ABTB3: variants seen among roughly 807,000 people sequenced by gnomAD.
The protein encoded by ABTB3 is ankyrin repeat- and BTB/POZ domain-containing protein 3.
chr12:107,507,440 C>T, the ABTB3 span, among the ~76,000 whole-genome samples: 169 of 152,234 alleles, frequency 1.1e-3, 1 homozygote, highest in African/African-American at 3.9e-3. Context: ...CCGTTCTCTG[C>T]CTCTGTCATC....
the ABTB3 span, among the ~76,000 whole-genome samples, chr12:107,641,933 A>C: frequency 2.6e-5 from 4 of 152,306 alleles, no homozygotes; most frequent in South Asian, 8.3e-4. Context: ...GTATAATAGG[A>C]GGGTTTAAAT....
chr12:107,412,645 C>A, the ABTB3 span, among the ~76,000 whole-genome samples: 1 of 152,114 alleles, frequency 6.6e-6, no homozygotes, highest in Non-Finnish European at 1.5e-5. Flanking sequence ...CCAGTCAACT[C>A]GAAGCCTAGT....
the ABTB3 span, among the ~76,000 whole-genome samples, chr12:107,352,569 C>G: frequency 6.6e-6 from 1 of 152,100 alleles, no homozygotes; most frequent in Non-Finnish European, 1.5e-5. Context: ...TAAGGGGGCC[C>G]TTCCACATAC....
the ABTB3 span, among the ~76,000 whole-genome samples, chr12:107,369,706 GGTT>G: frequency 1.7e-4 from 13 of 74,764 alleles, no homozygotes; most frequent in African/African-American, 5.1e-4. Flanking sequence ...GCCCAAACAT[GGTT>G]TTTTTTTTTT....
At chr12:107,619,902 C>T in the ABTB3 span, 21 of 1,311,386 alleles carry the variant, frequency 1.6e-5, no homozygotes, top group South Asian at 2.3e-4. Context: ...GATAAAAACT[C>T]GCCTGCTCCT....
chr12:107,364,442 C>T, the ABTB3 span, among the ~76,000 whole-genome samples: 21 of 151,922 alleles, frequency 1.4e-4, no homozygotes, highest in Admixed American at 1.0e-3. Context: ...GGGCACACAC[C>T]ACCACACCCG....
chr12:107,338,594 A>G, the ABTB3 span, among the ~76,000 whole-genome samples: 1 of 152,206 alleles, frequency 6.6e-6, no homozygotes, highest in Non-Finnish European at 1.5e-5. Context: ...TAATGAGGAC[A>G]TGGAGGTTGA....
chr12:107,431,769 T>A, the ABTB3 span, among the ~76,000 whole-genome samples: 1 of 152,252 alleles, frequency 6.6e-6, no homozygotes, highest in African/African-American at 2.4e-5. Flanking sequence ...AACTTTAGCA[T>A]ACCCTGAGGA....
At chr12:107,589,232 G>T in the ABTB3 span, among the ~76,000 whole-genome samples, 1 of 152,172 alleles carries the variant, frequency 6.6e-6, no homozygotes. Context: ...GTTCTTTCTG[G>T]TTGCCAAAAA....
chr12:107,355,018 T>C, the ABTB3 span, among the ~76,000 whole-genome samples: 5 of 152,230 alleles, frequency 3.3e-5, no homozygotes, highest in South Asian at 1.0e-3. Context: ...TAGCATTCCA[T>C]TGCATGCATG....
At chr12:107,358,150 G>A in the ABTB3 span, among the ~76,000 whole-genome samples, 25 of 152,308 alleles carry the variant, frequency 1.6e-4, no homozygotes, top group African/African-American at 5.5e-4. Flanking sequence ...GGTGGAGGGG[G>A]AAAGACACAA....
the ABTB3 span, among the ~76,000 whole-genome samples, chr12:107,388,338 C>T: frequency 6.9e-3 from 1,046 of 151,604 alleles, 14 homozygotes; most frequent in African/African-American, 0.021. Flanking sequence ...CTTCTCCTCC[C>T]TTTCTTTTTC....
the ABTB3 span, chr12:107,318,912 A>T: frequency 1.2e-5 from 18 of 1,555,402 alleles, no homozygotes; most frequent in Non-Finnish European, 1.6e-5. Flanking sequence ...TTTGGCTCCC[A>T]GGCGGCTGCA....
chr12:107,598,973 C>T, the ABTB3 span, among the ~76,000 whole-genome samples: 1 of 152,172 alleles, frequency 6.6e-6, no homozygotes, highest in Non-Finnish European at 1.5e-5. Context: ...CTGGACATGG[C>T]CTCAGAATCC....
the ABTB3 span, chr12:107,659,440 C>A: frequency 1.3e-5 from 2 of 152,228 alleles, no homozygotes; most frequent in Non-Finnish European, 2.9e-5. Context: ...GTGTGCATTG[C>A]GGCTGTCACC....
At chr12:107,617,189 G>C in the ABTB3 span, 1 of 1,614,132 alleles carries the variant, frequency 6.2e-7, no homozygotes, top group Non-Finnish European at 8.5e-7. Context: ...GTAGGTAAGA[G>C]CTGCTGGTTC....
the ABTB3 span, among the ~76,000 whole-genome samples, chr12:107,325,090 C>T: frequency 3.9e-5 from 6 of 152,346 alleles, no homozygotes; most frequent in African/African-American, 1.4e-4. Context: ...CCTCAAAAAA[C>T]AGATTATTCA....
chr12:107,604,208 G>A, the ABTB3 span, among the ~76,000 whole-genome samples: 171 of 152,144 alleles, frequency 1.1e-3, no homozygotes, highest in Admixed American at 4.4e-3. Flanking sequence ...TGGCACTTTG[G>A]GAGGCCGAAG....
the ABTB3 span, among the ~76,000 whole-genome samples, chr12:107,619,827 G>T: frequency 3.3e-5 from 5 of 152,258 alleles, no homozygotes; most frequent in Non-Finnish European, 7.4e-5. Context: ...CACTGGTTCT[G>T]TTCGTTGAAA....
Sources: gnomAD v4.1 joint callset for allele counts (sites outside exome capture counted in the v4.1 genomes callset) on GRCh38, gnomAD v4.1.1 for gene constraint, MANE v1.5 for transcripts, NCBI Gene and HGNC (gene_info 2026-07-23, HGNC 2026-07-21) for gene names.